The following TAS2R1 variants were observed in gnomAD, a reference collection of about 807,000 sequenced individuals.
The protein encoded by TAS2R1 is taste receptor type 2 member 1.
For synonymous variants in TAS2R1, 141 were observed against 134.2 expected, an observed-to-expected ratio of 1.05 and a Z score of -0.35; for missense variants, 370 against 353.4, an observed-to-expected ratio of 1.05 and a Z score of -0.38.
chr5:9,740,745 T>G, the TAS2R1 span, among the ~76,000 whole-genome samples: 1 of 152,218 alleles, frequency 6.6e-6, no homozygotes, highest in East Asian at 1.9e-4. Context: ...TCAAAACCTT[T>G]GAGCAGGTAA....
At chr5:9,815,033 T>G in the TAS2R1 span, among the ~76,000 whole-genome samples, 1 of 152,208 alleles carries the variant, frequency 6.6e-6, no homozygotes, top group Admixed American at 6.5e-5. Context: ...GGTGAACACA[T>G]GGGTGATGTA....
chr5:9,765,743 A>G, the TAS2R1 span: 76 of 152,342 alleles, frequency 5.0e-4, no homozygotes, highest in African/African-American at 1.7e-3. Context: ...ATAATGGAAG[A>G]CCTAATGCAA....
the TAS2R1 span, among the ~76,000 whole-genome samples, chr5:9,772,962 G>A: frequency 4.3e-3 from 652 of 152,058 alleles, 5 homozygotes; most frequent in African/African-American, 0.015. Flanking sequence ...CACTCTTTGC[G>A]TTTTGATTAG....
At chr5:9,783,952 C>G in the TAS2R1 span, among the ~76,000 whole-genome samples, 7 of 152,292 alleles carry the variant, frequency 4.6e-5, no homozygotes, top group Admixed American at 4.6e-4. Context: ...CACATCCCAG[C>G]TGCATCTCTT....
chr5:9,875,547 T>C, the TAS2R1 span, among the ~76,000 whole-genome samples: 2 of 152,148 alleles, frequency 1.3e-5, no homozygotes, highest in African/African-American at 4.8e-5. Flanking sequence ...CATCACACAG[T>C]ACGAAATCCC....
the TAS2R1 span, among the ~76,000 whole-genome samples, chr5:9,719,671 G>A: frequency 6.6e-6 from 1 of 150,498 alleles, no homozygotes; most frequent in Non-Finnish European, 1.5e-5. Flanking sequence ...GCTCACGCCT[G>A]TAATCCCAGC....
chr5:9,655,519 T>C (rs1740391823), intron 2 of TAS2R1, among the ~76,000 whole-genome samples: 1 of 151,902 alleles, frequency 6.6e-6, no homozygotes, highest in South Asian at 2.1e-4. Context: ...CTGATGAACA[T>C]CTGAAAGGAA....
the TAS2R1 span, among the ~76,000 whole-genome samples, chr5:9,736,395 G>A: frequency 6.6e-6 from 1 of 152,186 alleles, no homozygotes; most frequent in Non-Finnish European, 1.5e-5. Flanking sequence ...AGCCCCATCT[G>A]CTCTCTTGTG....
At chr5:9,717,092 G>C (rs555436439), upstream of TAS2R1, among the ~76,000 whole-genome samples, 37 of 152,284 alleles carry the variant, frequency 2.4e-4, no homozygotes, top group Admixed American at 5.2e-4. Context: ...AAAATAAACA[G>C]AGGGAGCAGA....
the TAS2R1 span, among the ~76,000 whole-genome samples, chr5:9,813,932 A>G: frequency 1.3e-5 from 2 of 151,968 alleles, no homozygotes; most frequent in Non-Finnish European, 2.9e-5. Context: ...CTCTTCCAAG[A>G]TTTTTCCTTC....
At chr5:9,642,874 C>T (rs996852227) in intron 2 of TAS2R1, among the ~76,000 whole-genome samples, 43 of 152,288 alleles carry the variant, frequency 2.8e-4, no homozygotes, top group African/African-American at 9.9e-4. Context: ...CTAGTCCTCA[C>T]GATTTTGTCT....
chr5:9,642,799 C>A (rs1028386435), intron 2 of TAS2R1, among the ~76,000 whole-genome samples: 1 of 152,056 alleles, frequency 6.6e-6, no homozygotes, highest in Non-Finnish European at 1.5e-5. Context: ...AAACAAGAAT[C>A]CCTTGTTAGT....
In TAS2R1 at chr5:9,696,996, T is replaced by C. The variant is rs537419393; in HGVS notation, c.-242+15176A>G. Among the ~76,000 whole-genome samples, 4 of 151,320 alleles carry C rather than the reference T, an allele frequency of 2.6e-5. No individual in the cohort carries two copies. In the South Asian group the frequency reaches 8.3e-4, roughly 31 times the overall value. On this transcript the variant is annotated intron_variant, in intron 1 of 2. Transcript: ENST00000506620. ...CCATTGCACTCCAACCTGGGCAACATGACTGAAACTCCGTCTCAAAAAAAA... is the reference window on the plus strand; with the variant it reads ...CCATTGCACTCCAACCTGGGCAACACGACTGAAACTCCGTCTCAAAAAAAA...
At chr5:9,848,882 G>A in the TAS2R1 span, among the ~76,000 whole-genome samples, 53 of 152,226 alleles carry the variant, frequency 3.5e-4, no homozygotes, top group East Asian at 1.9e-3. Context: ...CTGCTTAACC[G>A]TTTTTTAAGT....
intron 1 of TAS2R1, among the ~76,000 whole-genome samples, chr5:9,709,726 G>A (rs1741692633): frequency 6.6e-6 from 1 of 152,306 alleles, no homozygotes; most frequent in African/African-American, 2.4e-5. Flanking sequence ...TGATCTTGGA[G>A]GTGAATCCCC....
the TAS2R1 span, among the ~76,000 whole-genome samples, chr5:9,868,478 C>G: frequency 6.6e-6 from 1 of 152,210 alleles, no homozygotes; most frequent in African/African-American, 2.4e-5. Context: ...GCTGGAGTGG[C>G]TAGGATGCAA....
intron 1 of TAS2R1, among the ~76,000 whole-genome samples, chr5:9,701,219 C>T (rs2126525276): frequency 9.3e-6 from 1 of 108,078 alleles, no homozygotes; most frequent in East Asian, 2.5e-4. Context: ...GGCAGACACG[C>T]AGACACACAC....
intron 1 of TAS2R1, among the ~76,000 whole-genome samples, chr5:9,660,578 C>A (rs1224652539): frequency 2.0e-5 from 3 of 152,128 alleles, no homozygotes; most frequent in Non-Finnish European, 2.9e-5. Context: ...ACATCCTGTG[C>A]CTCTGGGTAG....
At chr5:9,798,043 A>G in the TAS2R1 span, among the ~76,000 whole-genome samples, 2 of 152,236 alleles carry the variant, frequency 1.3e-5, no homozygotes, top group African/African-American at 4.8e-5. Flanking sequence ...CATCCACGCA[A>G]TGGAATACAT....
Sources: allele counts gnomAD v4.1 joint callset (sites outside exome capture counted in the v4.1 genomes callset), GRCh38; gene constraint gnomAD v4.1.1; transcripts MANE v1.5; gene names NCBI Gene and HGNC (gene_info 2026-07-23, HGNC 2026-07-21).